Variants in RPS6KC1 observed in about 807,000 individuals in gnomAD.
The protein encoded by RPS6KC1 is ribosomal protein S6 kinase C1, also known as inactive ribosomal protein S6 kinase delta-1.
RPS6KC1 carries 54 observed loss-of-function variants against 103.8 expected under a neutral mutation model. The observed-to-expected ratio is 0.52, with a 90% confidence interval of 0.42 to 0.65. The LOEUF (loss-of-function observed/expected upper bound fraction) is 0.65, where lower values mean the gene tolerates loss of function less well. Ranked by LOEUF, RPS6KC1 falls within the 30% of genes least tolerant of loss-of-function variation. The pLI is 0.00. For missense variants in RPS6KC1, 1,151 were observed against 1,253.8 expected (o/e 0.92, Z 1.24); for synonymous variants, 439 against 438.7 (o/e 1.00, Z -0.01).
At chr1:213,247,831 G>A (rs997411504) in intron 12 of RPS6KC1, among the ~76,000 whole-genome samples, 4 of 152,084 alleles carry the variant, frequency 2.6e-5, no homozygotes, top group African/African-American at 7.2e-5. Context: ...GGTAAATATT[G>A]ATTTCTTATC....
the RPS6KC1 span, among the ~76,000 whole-genome samples, chr1:213,677,620 C>T: frequency 6.6e-6 from 1 of 152,182 alleles, no homozygotes; most frequent in East Asian, 1.9e-4. Context: ...AGACTCTGTT[C>T]AGATTCACTG....
chr1:213,752,171 C>T, the RPS6KC1 span, among the ~76,000 whole-genome samples: 1 of 152,076 alleles, frequency 6.6e-6, no homozygotes, highest in Non-Finnish European at 1.5e-5. Context: ...AAATACCCTT[C>T]GATAGGTCAG....
chr1:213,375,150 CAT>C, the RPS6KC1 span, among the ~76,000 whole-genome samples: 5 of 151,496 alleles, frequency 3.3e-5, no homozygotes, highest in South Asian at 2.1e-4. Flanking sequence ...CACATATACA[CAT>C]ATATACACGC....
the RPS6KC1 span, among the ~76,000 whole-genome samples, chr1:213,802,685 A>G: frequency 6.6e-6 from 1 of 152,362 alleles, no homozygotes; most frequent in African/African-American, 2.4e-5. Flanking sequence ...GCTTTTCCTC[A>G]GAAGATCCTA....
At chr1:213,598,230 G>T in the RPS6KC1 span, among the ~76,000 whole-genome samples, 1 of 152,190 alleles carries the variant, frequency 6.6e-6, no homozygotes, top group African/African-American at 2.4e-5. Flanking sequence ...AGCTGTTGAA[G>T]AAGTCACACT....
At chr1:213,402,804 G>A in the RPS6KC1 span, among the ~76,000 whole-genome samples, 1 of 152,128 alleles carries the variant, frequency 6.6e-6, no homozygotes, top group East Asian at 1.9e-4. Context: ...ATAATAGAAT[G>A]CACTTGAGAT....
the RPS6KC1 span, among the ~76,000 whole-genome samples, chr1:213,366,197 C>A: frequency 1.3e-5 from 2 of 152,176 alleles, no homozygotes; most frequent in African/African-American, 4.8e-5. Flanking sequence ...GATAACCTGG[C>A]GTAGTTCCTG....
chr1:213,205,119 A>G (rs1331266064), intron 8 of RPS6KC1: 2 of 267,762 alleles, frequency 7.5e-6, no homozygotes, highest in African/African-American at 4.6e-5. Flanking sequence ...TCTAAGTAGA[A>G]TTGTGTTGTA....
the RPS6KC1 span, among the ~76,000 whole-genome samples, chr1:213,306,355 A>C: frequency 6.6e-6 from 1 of 152,324 alleles, no homozygotes; most frequent in South Asian, 2.1e-4. Context: ...AACCCTTAAA[A>C]TATATTCCAA....
chr1:213,822,846 T>A, the RPS6KC1 span, among the ~76,000 whole-genome samples: 1 of 152,216 alleles, frequency 6.6e-6, no homozygotes, highest in Non-Finnish European at 1.5e-5. Context: ...TAGATTAGTG[T>A]AATGACATCC....
the RPS6KC1 span, among the ~76,000 whole-genome samples, chr1:213,759,058 C>T: frequency 0.013 from 2,034 of 152,210 alleles, 22 homozygotes; most frequent in Non-Finnish European, 0.02. Flanking sequence ...AAGGAAAGTC[C>T]ATTGGTGCAG....
At chr1:213,370,730 C>T in the RPS6KC1 span, among the ~76,000 whole-genome samples, 5 of 152,282 alleles carry the variant, frequency 3.3e-5, no homozygotes, top group East Asian at 1.9e-4. Flanking sequence ...TTGCTGCTAG[C>T]GCGAGTTGGA....
the RPS6KC1 span, among the ~76,000 whole-genome samples, chr1:213,618,276 GTGTC>G: frequency 6.6e-6 from 1 of 152,172 alleles, no homozygotes; most frequent in Non-Finnish European, 1.5e-5. Flanking sequence ...TCAAAACAAT[GTGTC>G]TGATCATACC....
chr1:213,287,681 A>G, the RPS6KC1 span, among the ~76,000 whole-genome samples: 1 of 152,168 alleles, frequency 6.6e-6, no homozygotes, highest in Non-Finnish European at 1.5e-5. Flanking sequence ...CTTCTAGCTA[A>G]TATTTCTCTT....
At chr1:213,518,905 G>A in the RPS6KC1 span, among the ~76,000 whole-genome samples, 1 of 152,164 alleles carries the variant, frequency 6.6e-6, no homozygotes, top group African/African-American at 2.4e-5. Flanking sequence ...TTGTAGGTGA[G>A]TTCTGAGGAA....
the RPS6KC1 span, among the ~76,000 whole-genome samples, chr1:213,791,820 G>A: frequency 2.0e-5 from 3 of 152,172 alleles, no homozygotes; most frequent in Non-Finnish European, 4.4e-5. Context: ...GTTACCTAAT[G>A]AATGATGTTC....
chr1:213,455,793 T>C, the RPS6KC1 span, among the ~76,000 whole-genome samples: 1 of 152,214 alleles, frequency 6.6e-6, no homozygotes, highest in African/African-American at 2.4e-5. Flanking sequence ...AATTTTTGTC[T>C]CATTGCCTTT....
rs1171422794 is a variant in RPS6KC1, at chr1:213,244,613, C to A, written c.2911+1955C>A. 2.0e-5 allele frequency among the ~76,000 whole-genome samples: 3 copies of A among 152,164 alleles called. No homozygotes were observed. The East Asian group carries it at 5.8e-4, about 29-fold the overall frequency. ...TTTAATATCCATAACATGTTGGTATCCTGAGAGTTTTAATATATGTGGAAC... is the reference window on the plus strand; with the variant it reads ...TTTAATATCCATAACATGTTGGTATACTGAGAGTTTTAATATATGTGGAAC... On this transcript the variant is annotated intron_variant, in intron 12 of 14. Coordinates refer to ENST00000366960, the MANE Select transcript of RPS6KC1 (RefSeq NM_012424.6).
intron 1 of RPS6KC1, among the ~76,000 whole-genome samples, chr1:213,055,995 T>G (rs11120082): frequency 0.61 from 92,697 of 151,956 alleles, 28,712 homozygotes; most frequent in Non-Finnish European, 0.65. Flanking sequence ...GGTTGAACTC[T>G]TGGGTTCAAG....
Sources: gnomAD v4.1 joint callset for allele counts (sites outside exome capture counted in the v4.1 genomes callset) on GRCh38, gnomAD v4.1.1 for gene constraint, MANE v1.5 for transcripts, NCBI Gene and HGNC (gene_info 2026-07-23, HGNC 2026-07-21) for gene names.